The following SV2C variants were observed in gnomAD, a reference collection of about 807,000 sequenced individuals.
SV2C encodes solute carrier family 22 member B3.
SV2C carries 49 observed loss-of-function variants against 79.7 expected under a neutral mutation model. That is an observed-to-expected ratio of 0.61 (90% CI 0.49 to 0.78). The LOEUF is 0.78. Ranked by LOEUF, SV2C falls within the 30% of genes least tolerant of loss-of-function variation. The pLI, the probability that SV2C is intolerant of heterozygous loss-of-function variation, is 0.00. For synonymous variants in SV2C, 334 were observed against 333.2 expected, an observed-to-expected ratio of 1.00 and a Z score of -0.03; for missense variants, 833 against 912.9, an observed-to-expected ratio of 0.91 and a Z score of 1.13.
At chr5:75,986,955 C>A in the SV2C span, among the ~76,000 whole-genome samples, 56 of 151,984 alleles carry the variant, frequency 3.7e-4, no homozygotes, top group African/African-American at 1.3e-3. Context: ...ATGGGTTAGG[C>A]ATGTTTGCTG....
At position 76,331,518 on chromosome 5, in the gene SV2C, TG is replaced by T. The variant is rs1195823705; in HGVS notation, c.*5975del. 6.6e-6 allele frequency: 1 copy of T among 152,166 alleles called. No individual in the cohort carries two copies. The highest frequency in any genetic ancestry group is 1.5e-5 in the Non-Finnish European group (1 of 68,074). The allele number at this position is 152,166 out of a possible 1,614,324, so 9.4% of individuals were successfully genotyped here. ...GTGTCTTGAAGTTGCAAAGGATGTT[TG>T]GGGTTCTAGGGCCTGCAGGGGGGCA... On this transcript the variant is annotated 3_prime_UTR_variant, in exon 13 of 13. Coordinates refer to ENST00000502798, the MANE Select transcript of SV2C (RefSeq NM_014979.4).
chr5:76,346,900 C>T (rs1396987401), intron 12 of SV2C, among the ~76,000 whole-genome samples: 1 of 152,228 alleles, frequency 6.6e-6, no homozygotes, highest in African/African-American at 2.4e-5. Flanking sequence ...GCCAAGACAA[C>T]TTGGCTTGTG....
At chr5:76,241,377 T>C (rs1350701866) in intron 4 of SV2C, among the ~76,000 whole-genome samples, 1 of 152,152 alleles carries the variant, frequency 6.6e-6, no homozygotes, top group Non-Finnish European at 1.5e-5. Flanking sequence ...CTTCATCTGA[T>C]GCTCTGAACA....
chr5:76,301,908 C>CAAAAAAA (rs11436839), intron 12 of SV2C, among the ~76,000 whole-genome samples: 4 of 41,386 alleles, frequency 9.7e-5, no homozygotes, highest in African/African-American at 9.5e-5. Flanking sequence ...GACACCATCT[C>CAAAAAAA]AAAAAAAAAA....
the SV2C span, among the ~76,000 whole-genome samples, chr5:76,069,866 A>G: frequency 9.3e-5 from 14 of 150,916 alleles, no homozygotes; most frequent in Non-Finnish European, 1.9e-4. Context: ...ACAAACACAC[A>G]CACACACACA....
At chr5:76,238,155 T>G (rs1282277615) in intron 4 of SV2C, among the ~76,000 whole-genome samples, 3 of 152,142 alleles carry the variant, frequency 2.0e-5, no homozygotes, top group African/African-American at 4.8e-5. Context: ...GGATCCATTT[T>G]CTAATATTTT....
rs374986123 is a variant in SV2C, at chr5:76,086,802, C to T, written c.-102+3290C>T. 3.2e-4 allele frequency among the ~76,000 whole-genome samples: 49 copies of T among 152,262 alleles called. No homozygotes were observed. The South Asian group carries it at 9.5e-3, about 30-fold the overall frequency. On this transcript the variant is annotated intron_variant, in intron 1 of 12. Coordinates refer to ENST00000502798, the MANE Select transcript of SV2C (RefSeq NM_014979.4). Reference sequence around the variant, plus strand: ...AAAAATAACAATGGGAATGAAGTTACGATTTTAATTCTTGCTAGAAATATG... The same window carrying T: ...AAAAATAACAATGGGAATGAAGTTATGATTTTAATTCTTGCTAGAAATATG...
the SV2C span, among the ~76,000 whole-genome samples, chr5:75,977,055 A>G: frequency 6.6e-6 from 1 of 152,264 alleles, no homozygotes; most frequent in Non-Finnish European, 1.5e-5. Context: ...AAAATTATTT[A>G]TAGTCTAAAT....
chr5:75,927,174 G>A, the SV2C span, among the ~76,000 whole-genome samples: 2 of 152,044 alleles, frequency 1.3e-5, no homozygotes, highest in Non-Finnish European at 2.9e-5. Flanking sequence ...AGGGGCTATG[G>A]TTTAAATGTG....
chr5:76,159,158 C>T (rs1219132130), intron 2 of SV2C, among the ~76,000 whole-genome samples: 1 of 152,016 alleles, frequency 6.6e-6, no homozygotes, highest in Non-Finnish European at 1.5e-5. Context: ...CTACAAGAAA[C>T]TCACAGGTAA....
the SV2C span, among the ~76,000 whole-genome samples, chr5:75,897,475 G>A: frequency 5.3e-5 from 8 of 152,078 alleles, no homozygotes; most frequent in Non-Finnish European, 1.0e-4. Flanking sequence ...CTGTAGCCTT[G>A]TAGTATAGTT....
chr5:76,262,274 G>A lies in SV2C; in HGVS notation c.914-22888G>A. Among the ~76,000 whole-genome samples the A allele has an allele frequency of 1.3e-5, 2 of 152,172 alleles. 1 individual carries two copies. ...GGTAGTTTGTATTTCTGTGGGATCA[G>A]TGGTGATATCCCTTTTTTTGTTTTT... On this transcript the variant is annotated intron_variant, in intron 4 of 12. Transcript: ENST00000502798.
intron 4 of SV2C, among the ~76,000 whole-genome samples, chr5:76,227,902 C>G (rs930871220): frequency 2.6e-5 from 4 of 152,192 alleles, no homozygotes; most frequent in Non-Finnish European, 4.4e-5. Context: ...CATCGCGGCT[C>G]ACTTAGCTGA....
chr5:75,896,464 T>C, the SV2C span, among the ~76,000 whole-genome samples: 2 of 97,702 alleles, frequency 2.0e-5, no homozygotes, highest in Non-Finnish European at 3.5e-5. Flanking sequence ...AGTCTATCAT[T>C]GTTGGACATT....
At position 76,223,476 on chromosome 5, in the gene SV2C, T is replaced by C. The variant is rs1188654282; in HGVS notation, c.913+13589T>C. Among the ~76,000 whole-genome samples, 20 of 69,178 alleles carry C rather than the reference T, an allele frequency of 2.9e-4. 1 individual carries two copies. Among genetic ancestry groups the C allele is most frequent in the Admixed American group, 1.2e-3 (9 of 7,796 alleles). 45.4% of individuals were successfully genotyped at this position (69,178 alleles called of 152,430 possible). A position where few individuals can be genotyped will look rare whatever the true frequency, so the allele number is the denominator to read the frequency against. ...ATATATATATATATATATATATATA[T>C]ATATATATATATATATATATGTATA... On this transcript the variant is annotated intron_variant, in intron 4 of 12. Transcript: ENST00000502798.
the SV2C span, among the ~76,000 whole-genome samples, chr5:76,018,939 G>C: frequency 6.6e-6 from 1 of 152,144 alleles, no homozygotes; most frequent in Non-Finnish European, 1.5e-5. Context: ...ACCTGAAATG[G>C]GAAAATGATA....
the SV2C span, among the ~76,000 whole-genome samples, chr5:76,036,312 G>A: frequency 7.9e-5 from 12 of 151,812 alleles, no homozygotes; most frequent in South Asian, 2.1e-4. Context: ...TATTTTGCTC[G>A]TTAGTTGATG....
At chr5:76,084,921 G>A (rs1267391576) in intron 1 of SV2C, among the ~76,000 whole-genome samples, 1 of 152,022 alleles carries the variant, frequency 6.6e-6, no homozygotes, top group African/African-American at 2.4e-5. Context: ...GCAGTGCCGG[G>A]AAGGAGCCGC....
the SV2C span, among the ~76,000 whole-genome samples, chr5:76,044,515 A>G: frequency 1.3e-5 from 2 of 152,284 alleles, no homozygotes; most frequent in South Asian, 4.2e-4. Context: ...GAACTAATTT[A>G]TATTCCCACC....
Sources: allele counts gnomAD v4.1 joint callset (sites outside exome capture counted in the v4.1 genomes callset), GRCh38; gene constraint gnomAD v4.1.1; transcripts MANE v1.5; gene names NCBI Gene and HGNC (gene_info 2026-07-23, HGNC 2026-07-21).